ADAMTS3: variants seen among roughly 807,000 people sequenced by gnomAD.
The protein encoded by ADAMTS3 is ADAM metallopeptidase with thrombospondin type 1 motif 3.
Under a neutral mutation model 129.0 loss-of-function variants are expected in ADAMTS3, and 73 were observed. The ratio of observed to expected loss-of-function variants is 0.57; its 90% confidence interval spans 0.47 to 0.69. ADAMTS3 has a LOEUF of 0.69. Ranked by LOEUF, ADAMTS3 falls within the 30% of genes least tolerant of loss-of-function variation. ADAMTS3 has a pLI of 0.00. For missense variants in ADAMTS3, 1,457 were observed against 1,514.5 expected (o/e 0.96, Z 0.63); for synonymous variants, 477 against 510.8 (o/e 0.93, Z 0.89).
At chr4:72,553,937 G>A (rs768416124) in intron 2 of ADAMTS3, among the ~76,000 whole-genome samples, 2 of 151,904 alleles carry the variant, frequency 1.3e-5, no homozygotes, top group Non-Finnish European at 1.5e-5. Context: ...CAGAAGCTAG[G>A]CAGTCAAGAA....
At chr4:72,329,944 T>G (rs1269594809) in intron 5 of ADAMTS3, among the ~76,000 whole-genome samples, 1 of 152,190 alleles carries the variant, frequency 6.6e-6, no homozygotes, top group African/African-American at 2.4e-5. Context: ...TGATACATGT[T>G]TCCCCTGCAA....
At chr4:72,541,797 C>G (rs572536477) in intron 3 of ADAMTS3, among the ~76,000 whole-genome samples, 13 of 152,138 alleles carry the variant, frequency 8.5e-5, no homozygotes, top group Non-Finnish European at 1.8e-4. Flanking sequence ...GATTGTGAGG[C>G]CTCCCTAGCC....
chr4:72,422,578 G>A (rs1207400095), intron 3 of ADAMTS3, among the ~76,000 whole-genome samples: 3 of 152,056 alleles, frequency 2.0e-5, no homozygotes, highest in African/African-American at 7.2e-5. Context: ...AAAGCCAGCT[G>A]CAAAATTCCC....
intron 6 of ADAMTS3, among the ~76,000 whole-genome samples, chr4:72,321,581 T>C (rs1184370760): frequency 3.9e-5 from 6 of 152,152 alleles, no homozygotes; most frequent in Admixed American, 2.0e-4. Context: ...AACAAAAACA[T>C]TGAGAAAGAT....
chr4:72,355,804 T>C (rs547158414), intron 4 of ADAMTS3, among the ~76,000 whole-genome samples: 2 of 152,140 alleles, frequency 1.3e-5, no homozygotes, highest in African/African-American at 4.8e-5. Context: ...TTTGTTATAA[T>C]AGCACAAATG....
rs750227382 is a variant in ADAMTS3 at position 72,568,704 on chromosome 4, G to A, written c.59C>T (p.Ala20Val). Residue 20 changes from alanine (A) to valine (V), a missense_variant, in exon 1 of 22, where the codon GCT (alanine) becomes GTT (valine). Physicochemically the swap from Ala to Val is moderately conservative, Grantham distance 64. Coordinates refer to ENST00000286657, the MANE Select transcript of ADAMTS3 (RefSeq NM_014243.3). ...AAALVEVRTS[A>V]DGQAGNEEMV... ...TTATTTTCCACTTACTTGTCCATCAGCTGAAGTCCTAACCTCTACCAGAGC... is the reference window on the plus strand; with the variant it reads ...TTATTTTCCACTTACTTGTCCATCAACTGAAGTCCTAACCTCTACCAGAGC... The A allele has an allele frequency of 3.5e-5, 56 of 1,613,550 alleles. No individual in the cohort carries two copies. The highest frequency in any genetic ancestry group is 4.7e-5 in the Non-Finnish European group (55 of 1,179,688).
At chr4:72,504,168 G>T (rs950666640) in intron 3 of ADAMTS3, among the ~76,000 whole-genome samples, 1 of 152,080 alleles carries the variant, frequency 6.6e-6, no homozygotes, top group Admixed American at 6.6e-5. Flanking sequence ...TCTACTGTTT[G>T]GTTGCTTTAT....
In ADAMTS3 at chr4:72,412,325, C is replaced by G. The variant is rs569580095; in HGVS notation, c.661+2490G>C. Among the ~76,000 whole-genome samples, 6 of 152,010 alleles carry G rather than the reference C, an allele frequency of 3.9e-5. No homozygotes were observed. The East Asian group carries it at 1.2e-3, about 29-fold the overall frequency. The stretch of plus-strand genomic sequence containing the variant: ...AGAAAAGGCACTATTTTATATAGTG[C>G]TTTGGTTTTCATTTATAAATCAATA... On this transcript the variant is annotated intron_variant, in intron 4 of 21. Coordinates refer to ENST00000286657, the MANE Select transcript of ADAMTS3 (RefSeq NM_014243.3).
At chr4:72,505,637 A>G (rs788929) in intron 3 of ADAMTS3, among the ~76,000 whole-genome samples, 152,197 of 152,332 alleles carry the variant, frequency 1, 76,031 homozygotes, top group Non-Finnish European at 1. Flanking sequence ...CACAAGTGCT[A>G]AGAGACAGTC....
chr4:72,442,371 T>A (rs948535289), intron 3 of ADAMTS3, among the ~76,000 whole-genome samples: 7 of 151,820 alleles, frequency 4.6e-5, no homozygotes, highest in African/African-American at 1.7e-4. Context: ...AGCTTTGTCA[T>A]CTGCTTCTGG....
At chr4:72,371,095 C>G (rs1334389668) in intron 4 of ADAMTS3, among the ~76,000 whole-genome samples, 1 of 152,016 alleles carries the variant, frequency 6.6e-6, no homozygotes, top group Non-Finnish European at 1.5e-5. Context: ...TACAGGCAAC[C>G]ACCAGGAGCT....
At chr4:72,529,353 A>G (rs1453262654) in intron 3 of ADAMTS3, among the ~76,000 whole-genome samples, 1 of 151,950 alleles carries the variant, frequency 6.6e-6, no homozygotes, top group Non-Finnish European at 1.5e-5. Flanking sequence ...CCCTCTACAG[A>G]CTTACTGAGT....
chr4:72,449,446 C>T (rs1407124215), intron 3 of ADAMTS3, among the ~76,000 whole-genome samples: 1 of 151,666 alleles, frequency 6.6e-6, no homozygotes, highest in Admixed American at 6.6e-5. Context: ...CTCTTCCTTT[C>T]ACCATACATA....
chr4:72,341,124 G>C (rs7698311), intron 4 of ADAMTS3, among the ~76,000 whole-genome samples: 1 of 152,080 alleles, frequency 6.6e-6, no homozygotes, highest in South Asian at 2.1e-4. Context: ...TCTTTTGGCT[G>C]GGAAGGTTGA....
chr4:72,558,676 G>A (rs898813004), intron 2 of ADAMTS3, among the ~76,000 whole-genome samples: 1 of 151,610 alleles, frequency 6.6e-6, no homozygotes, highest in African/African-American at 2.4e-5. Context: ...GAAAGCTATT[G>A]CATTTGAGGT....
At chr4:72,559,307 G>T (rs1721844169) in intron 2 of ADAMTS3, among the ~76,000 whole-genome samples, 1 of 151,750 alleles carries the variant, frequency 6.6e-6, no homozygotes, top group South Asian at 2.1e-4. Context: ...TAAGGTGTAA[G>T]AAGTAAAAGA....
chr4:72,563,038 A>T (rs914841689), intron 2 of ADAMTS3, among the ~76,000 whole-genome samples: 2 of 152,148 alleles, frequency 1.3e-5, no homozygotes, highest in Admixed American at 1.3e-4. Flanking sequence ...TTGGCTACTC[A>T]AAGTAAAGAA....
intron 3 of ADAMTS3, among the ~76,000 whole-genome samples, chr4:72,477,898 A>G (rs1163137089): frequency 1.3e-5 from 2 of 152,238 alleles, no homozygotes; most frequent in East Asian, 1.9e-4. Flanking sequence ...CTACCATCAG[A>G]GAATACTACA....
At chr4:72,564,614 T>C (rs573277537) in intron 2 of ADAMTS3, among the ~76,000 whole-genome samples, 4 of 152,256 alleles carry the variant, frequency 2.6e-5, no homozygotes, top group African/African-American at 7.2e-5. Context: ...AAAACCTATT[T>C]ACCCATTTTT....
Sources: gnomAD v4.1 joint callset for allele counts (sites outside exome capture counted in the v4.1 genomes callset) on GRCh38, gnomAD v4.1.1 for gene constraint, MANE v1.5 for transcripts, NCBI Gene and HGNC (gene_info 2026-07-23, HGNC 2026-07-21) for gene names.